Variants in COL9A1 observed in about 807,000 individuals in gnomAD.
COL9A1 encodes the protein collagen alpha-1(IX) chain.
COL9A1 carries 104 observed loss-of-function variants against 142.6 expected under a neutral mutation model. The ratio of observed to expected loss-of-function variants is 0.73; its 90% CI spans 0.62 to 0.86. COL9A1 has a LOEUF of 0.86. Among genes scored for constraint, COL9A1 ranks in the 40% least tolerant of loss-of-function variants. COL9A1 has a pLI of 0.00. For synonymous variants in COL9A1, 466 were observed against 396.0 expected (o/e 1.18, Z -2.10); for missense variants, 1,210 against 1,176.6 (o/e 1.03, Z -0.42).
intron 28 of COL9A1, among the ~76,000 whole-genome samples, chr6:70,249,161 G>C (rs1770778249): frequency 8.4e-6 from 1 of 118,496 alleles, no homozygotes; most frequent in African/African-American, 2.7e-5. Context: ...TTCTCTTACT[G>C]TCCGTGGAAA....
In COL9A1 at chr6:70,303,015, A is replaced by G. The variant is rs1271999888; in HGVS notation, c.-91T>C. The G allele has an allele frequency of 8.6e-5, 117 of 1,353,096 alleles. No homozygotes were observed. The highest frequency in any genetic ancestry group is 1.2e-4 in the Non-Finnish European group (110 of 942,580). The allele number at this position is 1,353,096 out of a possible 1,614,324, so 83.8% of individuals were successfully genotyped here. ...GTCCCCTCACGACCCCTTCACTGTT[A>G]CCCTAGGACTATGTGTTCTGGGCCC... On this transcript the variant is annotated 5_prime_UTR_variant, in exon 1 of 38. Coordinates refer to ENST00000357250, the MANE Select transcript of COL9A1 (RefSeq NM_001851.6).
At chr6:70,283,637 G>T (rs967077951) in intron 6 of COL9A1, 100 bp downstream of exon 6, 1 of 834,642 alleles carries the variant, frequency 1.2e-6, no homozygotes, top group Admixed American at 2.0e-5. Flanking sequence ...AAAGAGAGTG[G>T]GGAGGAGGGG....
At chr6:70,237,777 A>G (rs1011611691) in intron 33 of COL9A1, among the ~76,000 whole-genome samples, 5 of 152,238 alleles carry the variant, frequency 3.3e-5, no homozygotes, top group Non-Finnish European at 7.3e-5. Context: ...AACTTGAGAC[A>G]TAGTGTTTAG....
intron 31 of COL9A1, 129 bp from the exon 32 acceptor site, chr6:70,240,862 T>C (rs192554806): frequency 1.1e-3 from 906 of 790,258 alleles, no homozygotes; most frequent in Non-Finnish European, 1.5e-3. Context: ...TACAAAATGC[T>C]CTCAGCGGCT....
At chr6:70,220,542 GT>G (rs1768816208) in intron 37 of COL9A1, among the ~76,000 whole-genome samples, 1 of 151,644 alleles carries the variant, frequency 6.6e-6, no homozygotes, top group Non-Finnish European at 1.5e-5. Flanking sequence ...TTTCTCTGAG[GT>G]TTTGCCCTGT....
rs147576044 is a variant in COL9A1 at position 70,278,464 on chromosome 6, T to C, written c.975+2348A>G. 3.0e-3 allele frequency among the ~76,000 whole-genome samples: 456 copies of C among 152,358 alleles called. 3 individuals carry two copies. Among genetic ancestry groups the C allele is most frequent in the African/African-American group, 0.011 (437 of 41,582 alleles). ...AGGTTATTGTTGGTTAAAAGAAATGTTTGTGGCAGTGCTTGAGGAAAAAGT... is the reference window on the plus strand; with the variant it reads ...AGGTTATTGTTGGTTAAAAGAAATGCTTGTGGCAGTGCTTGAGGAAAAAGT... On this transcript the variant is annotated intron_variant, in intron 10 of 37. Coordinates refer to ENST00000357250, the MANE Select transcript of COL9A1 (RefSeq NM_001851.6).
At position 70,234,895 on chromosome 6, in the gene COL9A1, G is replaced by A. The variant is rs750991236; in HGVS notation, c.2158C>T (p.Arg720Trp). The A allele has an allele frequency of 3.0e-5, 48 of 1,613,996 alleles. No homozygotes were observed. Among genetic ancestry groups the A allele is most frequent in the Non-Finnish European group, 3.6e-5 (42 of 1,180,028 alleles). Residue 720 changes from arginine (R) to tryptophan (W), a missense_variant, in exon 34 of 38, where the codon CGG (arginine) becomes TGG (tryptophan). Transcript: ENST00000357250. Reference protein sequence around the residue: ...EPGLRGPEGSRGLPGVEGPRG... With the variant: ...EPGLRGPEGSWGLPGVEGPRG... Reference sequence around the variant, plus strand: ...GGTCCTTCCACTCCAGGAAGCCCCCGACTTCCCTCAGGCCCTCTCAAGCCA... The same window carrying A: ...GGTCCTTCCACTCCAGGAAGCCCCCAACTTCCCTCAGGCCCTCTCAAGCCA...
downstream of COL9A1, chr6:70,215,780 A>G (rs983372889): frequency 6.6e-6 from 1 of 152,224 alleles, no homozygotes; most frequent in Non-Finnish European, 1.5e-5. Context: ...GAAATAAAGC[A>G]AGGCTAGACT....
Position 70,217,023 on chromosome 6 carries a change from T to TG in COL9A1, c.2639dup (p.Gly881ArgfsTer22). Reference sequence around the variant, plus strand: ...GCACTCCAGGAATTCCTGCCACCCCTGGGGGGCCTCGCTCACCGTCTCGGC... The same window carrying TG: ...GCACTCCAGGAATTCCTGCCACCCCTGGGGGGGCCTCGCTCACCGTCTCGGC... On this transcript the variant is annotated frameshift_variant, in exon 38 of 38. Coordinates refer to ENST00000357250, the MANE Select transcript of COL9A1 (RefSeq NM_001851.6). LOFTEE classifies it high-confidence loss of function. 1.2e-6 allele frequency: 2 copies of TG among 1,614,028 alleles called. No homozygotes were observed. Among genetic ancestry groups the TG allele is most frequent in the Admixed American group, 1.7e-5 (1 of 60,006 alleles).
intron 6 of COL9A1, among the ~76,000 whole-genome samples, chr6:70,283,500 C>G (rs1485438527): frequency 2.0e-5 from 3 of 152,226 alleles, no homozygotes; most frequent in Non-Finnish European, 2.9e-5. Context: ...AAAGGGACAA[C>G]CACACACCCG....
At chr6:70,254,441 T>C in intron 25 of COL9A1, 35 bp downstream of exon 25, 2 of 1,602,126 alleles carry the variant, frequency 1.2e-6, no homozygotes, top group Non-Finnish European at 1.7e-6. Flanking sequence ...AACATGTATA[T>C]AAACCAATTA....
At chr6:70,273,594 A>G (rs1358406366) in intron 12 of COL9A1, among the ~76,000 whole-genome samples, 1 of 152,176 alleles carries the variant, frequency 6.6e-6, no homozygotes, top group Non-Finnish European at 1.5e-5. Flanking sequence ...AAATGCAGAA[A>G]AAGACTAGCC....
intron 6 of COL9A1, 25 bp downstream of exon 6, chr6:70,283,712 C>T (rs532505417): frequency 1.3e-6 from 2 of 1,589,852 alleles, no homozygotes; most frequent in East Asian, 4.5e-5. Context: ...TAGAAGTGGC[C>T]TTTGCAGGTA....
intron 10 of COL9A1, among the ~76,000 whole-genome samples, chr6:70,279,284 C>T (rs1375978405): frequency 1.3e-5 from 2 of 152,160 alleles, no homozygotes; most frequent in African/African-American, 4.8e-5. Flanking sequence ...TGATTGCCAA[C>T]AAGTTATATT....
At chr6:70,249,433 T>C (rs573821395) in intron 28 of COL9A1, among the ~76,000 whole-genome samples, 4 of 152,144 alleles carry the variant, frequency 2.6e-5, no homozygotes, top group African/African-American at 9.6e-5. Context: ...AGCAATATCC[T>C]TTTGGGAGAC....
intron 20 of COL9A1, among the ~76,000 whole-genome samples, chr6:70,260,415 C>T (rs147071885): frequency 2.4e-3 from 363 of 151,942 alleles, no homozygotes; most frequent in African/African-American, 8.3e-3. Flanking sequence ...TGGTGGCAGG[C>T]GCCTGTAATC....
rs543242015 is a variant in COL9A1, at chr6:70,288,915, C to G, written c.697-5095G>C. Among the ~76,000 whole-genome samples, 10 of 152,208 alleles carry G rather than the reference C, an allele frequency of 6.6e-5. No individual in the cohort carries two copies. The South Asian group carries it at 2.1e-3, about 32-fold the overall frequency. ...ACACAGAATGTAAGCGACATTGGAG[C>G]ATTAATTTTTTCTGCTTTCACCACC... is the stretch of plus-strand genomic sequence containing the variant. On this transcript the variant is annotated intron_variant, in intron 5 of 37. Coordinates refer to ENST00000357250, the MANE Select transcript of COL9A1 (RefSeq NM_001851.6).
chr6:70,266,825 A>C, intron 17 of COL9A1, 55 bp from the exon 18 acceptor site: 2 of 1,405,462 alleles, frequency 1.4e-6, no homozygotes, highest in Non-Finnish European at 2.0e-6. Context: ...AGTGATCAGA[A>C]GGCTCATAAA....
In COL9A1 at chr6:70,280,633, C is replaced by T. The variant is rs563574210; in HGVS notation, c.975+179G>A. ...GAGAGGTATCCTCACCTTCACAAGT[C>T]CTTTTGCAAAAGCTGCCAGTTCCAC... On this transcript the variant is annotated intron_variant, in intron 10 of 37. Transcript: ENST00000357250. Among the ~76,000 whole-genome samples the T allele has an allele frequency of 2.6e-5, 4 of 152,344 alleles. No homozygotes were observed. The East Asian group carries it at 5.8e-4, about 22-fold the overall frequency.
Sources: allele counts gnomAD v4.1 joint callset (sites outside exome capture counted in the v4.1 genomes callset), GRCh38; gene constraint gnomAD v4.1.1; transcripts MANE v1.5; gene names NCBI Gene and HGNC (gene_info 2026-07-23, HGNC 2026-07-21).